EMILIN2: variants seen among roughly 807,000 people sequenced by gnomAD.
EMILIN2 encodes elastin microfibril interfacer 2, also known as EMILIN-2.
EMILIN2 carries 71 observed loss-of-function variants against 87.1 expected under a neutral mutation model. The observed-to-expected ratio is 0.82, with a 90% CI of 0.67 to 0.99. EMILIN2 has a LOEUF of 0.99. EMILIN2 is among the 50% of genes least tolerant of loss of function. The pLI is 0.00. For synonymous variants in EMILIN2, 581 were observed against 563.4 expected, an observed-to-expected ratio of 1.03 and a Z score of -0.44; for missense variants, 1,407 against 1,371.8, an observed-to-expected ratio of 1.03 and a Z score of -0.40.
intron 2 of EMILIN2, among the ~76,000 whole-genome samples, chr18:2,850,093 A>AT (rs71366611): frequency 0.31 from 37,464 of 122,466 alleles, 5,911 homozygotes; most frequent in African/African-American, 0.37. Flanking sequence ...TGCCCAGCTA[A>AT]TTTTTTTTTT....
chr18:2,899,328 C>T (rs779358846), intron 4 of EMILIN2, among the ~76,000 whole-genome samples: 5 of 152,252 alleles, frequency 3.3e-5, no homozygotes, highest in East Asian at 3.9e-4. Flanking sequence ...TGACACTGCG[C>T]CACCAATAGA....
At chr18:2,899,386 T>C (rs1296095075) in intron 4 of EMILIN2, among the ~76,000 whole-genome samples, 3 of 152,224 alleles carry the variant, frequency 2.0e-5, no homozygotes, top group Admixed American at 1.3e-4. Flanking sequence ...TGTTCCAGTT[T>C]TTGAGGTCTC....
intron 2 of EMILIN2, among the ~76,000 whole-genome samples, chr18:2,884,541 C>T (rs779427653): frequency 6.6e-6 from 1 of 152,360 alleles, no homozygotes; most frequent in South Asian, 2.1e-4. Context: ...CCACTGTGCC[C>T]GGCCAGGAAT....
At chr18:2,882,740 A>C (rs985061216) in intron 2 of EMILIN2, among the ~76,000 whole-genome samples, 5 of 152,186 alleles carry the variant, frequency 3.3e-5, no homozygotes, top group Admixed American at 6.5e-5. Flanking sequence ...AAAAATAACC[A>C]GGCATGGTGG....
chr18:2,912,358 C>T (rs970560119), intron 7 of EMILIN2, among the ~76,000 whole-genome samples: 2 of 152,190 alleles, frequency 1.3e-5, no homozygotes, highest in Admixed American at 6.5e-5. Context: ...CCCTTTTTAG[C>T]TCCTGGGCCC....
chr18:2,873,298 T>C (rs1473742742), intron 2 of EMILIN2, among the ~76,000 whole-genome samples: 2 of 152,024 alleles, frequency 1.3e-5, no homozygotes, highest in Non-Finnish European at 2.9e-5. Flanking sequence ...TAATCCCGGC[T>C]ACTCAGGAGG....
chr18:2,898,230 C>T (rs1258132488), intron 4 of EMILIN2, among the ~76,000 whole-genome samples: 1 of 152,216 alleles, frequency 6.6e-6, no homozygotes, highest in Non-Finnish European at 1.5e-5. Flanking sequence ...GGGGGTGTGT[C>T]CTGGCCACAG....
In EMILIN2 at chr18:2,908,983, T is replaced by G. The variant is rs774034532; in HGVS notation, c.2695+8T>G. The G allele has an allele frequency of 4.3e-5, 69 of 1,613,176 alleles. 1 individual carries two copies. Among genetic ancestry groups the G allele is most frequent in the Non-Finnish European group, 5.8e-5 (68 of 1,180,020 alleles). The stretch of plus-strand genomic sequence containing the variant: ...CTCCTGTAGCTTCCCCAGGTATGTC[T>G]GCTGAGAGACCAGGAGCAGGAGGAG... On this transcript the variant is annotated splice_region_variant and intron_variant, in intron 6 of 7. Coordinates refer to ENST00000254528, the MANE Select transcript of EMILIN2 (RefSeq NM_032048.3).
Position 2,858,565 on chromosome 18 carries a change from ATATATG to A in EMILIN2, c.257+10636_257+10641del, listed in dbSNP as rs1192281266. ...TATATATATATATATATATATATAT[ATATATG>A]TGTGTGTGTGTGTATATATATATAT... On this transcript the variant is annotated intron_variant, in intron 2 of 7. Coordinates refer to ENST00000254528, the MANE Select transcript of EMILIN2 (RefSeq NM_032048.3). Among the ~76,000 whole-genome samples, 331 of 67,726 alleles carry A rather than the reference ATATATG, an allele frequency of 4.9e-3. 17 individuals carry two copies. Among genetic ancestry groups the A allele is most frequent in the Middle Eastern group, 0.034 (5 of 146 alleles). 44.4% of individuals were successfully genotyped at this position (67,726 alleles called of 152,430 possible).
Position 2,891,333 on chromosome 18 carries a change from T to C in EMILIN2, c.1206T>C (p.Asn402=). The C allele has an allele frequency of 6.2e-7, 1 of 1,614,188 alleles. No homozygotes were observed. The highest frequency in any genetic ancestry group is 1.3e-5 in the African/African-American group (1 of 75,046). ...CAAATTGCTGCGACAGTGAAAAGAA[T>C]GGTGACATTGGTCAACAGATCAAGA... ...AQANCCDSEK[N]GDIGQQIKTL... is the part of the protein sequence containing the mutation. Residue 402 remains asparagine, a synonymous_variant, in exon 4 of 8, where the codon AAT becomes AAC. Coordinates refer to ENST00000254528, the MANE Select transcript of EMILIN2 (RefSeq NM_032048.3). The surrounding 1 kb of genome is among the most constrained non-coding windows in gnomAD (Gnocchi z 4.6).
chr18:2,876,687 A>G (rs188141464), intron 2 of EMILIN2, among the ~76,000 whole-genome samples: 88,065 of 148,366 alleles, frequency 0.59, 26,508 homozygotes, highest in East Asian at 0.92. Context: ...AATGGCGTGA[A>G]CCCGGGAGGC....
chr18:2,850,355 C>T (rs1308274770), intron 2 of EMILIN2, among the ~76,000 whole-genome samples: 1 of 151,770 alleles, frequency 6.6e-6, no homozygotes, highest in Non-Finnish European at 1.5e-5. Context: ...CTGAGGAATC[C>T]AGAAGCCTGA....
Position 2,906,842 on chromosome 18 carries a change from G to A in EMILIN2, c.2419G>A (p.Ala807Thr), listed in dbSNP as rs979099192. Residue 807 changes from alanine (A) to threonine (T), a missense_variant, in exon 5 of 8, where the codon GCC (alanine) becomes ACC (threonine). Transcript: ENST00000254528. ...APKEPLQPEP[A>T]PPRPSGPATA... is the part of the protein sequence containing the mutation. ...GAAGGAGCCGCTGCAGCCCGAGCCC[G>A]CCCCGCCGAGGCCCAGCGGCCCCGC... 1.5e-6 allele frequency: 2 copies of A among 1,342,552 alleles called. No homozygotes were observed. The highest frequency in any genetic ancestry group is 1.9e-6 in the Non-Finnish European group (2 of 1,048,688). 83.2% of individuals were successfully genotyped at this position (1,342,552 alleles called of 1,614,324 possible). A position where few individuals can be genotyped will look rare whatever the true frequency, so the allele number is the denominator to read the frequency against.
chr18:2,852,530 C>G (rs1195252028), intron 2 of EMILIN2, among the ~76,000 whole-genome samples: 1 of 152,090 alleles, frequency 6.6e-6, no homozygotes, highest in African/African-American at 2.4e-5. Flanking sequence ...TTCGTTTTTT[C>G]TTTTTTGAGA....
chr18:2,892,156 T>C lies in EMILIN2; in HGVS notation c.2029T>C (p.Leu677=). The C allele has an allele frequency of 2.5e-6, 4 of 1,607,546 alleles. No homozygotes were observed. Among genetic ancestry groups the C allele is most frequent in the Non-Finnish European group, 2.6e-6 (3 of 1,175,760 alleles). The change falls in exon 4 of 8, where the codon TTG becomes CTG. Residue 677 remains leucine (L), a synonymous_variant. Coordinates refer to ENST00000254528, the MANE Select transcript of EMILIN2 (RefSeq NM_032048.3). ...CSQLEERWQR[L]QSQVISELDA... ...TCAGCTGGAGGAGAGGTGGCAGAGGTTGCAGAGCCAGGTCATCTCGGAGCT... is the reference window on the plus strand; with the variant it reads ...TCAGCTGGAGGAGAGGTGGCAGAGGCTGCAGAGCCAGGTCATCTCGGAGCT...
intron 2 of EMILIN2, among the ~76,000 whole-genome samples, chr18:2,881,844 A>G (rs1378106517): frequency 6.6e-6 from 1 of 152,216 alleles, no homozygotes; most frequent in Non-Finnish European, 1.5e-5. Flanking sequence ...TACATTTTCA[A>G]GGACCACACA....
chr18:2,868,631 C>A (rs1162174358), intron 2 of EMILIN2, among the ~76,000 whole-genome samples: 1 of 152,174 alleles, frequency 6.6e-6, no homozygotes, highest in Non-Finnish European at 1.5e-5. Context: ...CCGTCTCCAC[C>A]AAAAAAATAC....
At position 2,915,745 on chromosome 18, in the gene EMILIN2, ACT is replaced by A. The variant is rs2076965598; in HGVS notation, c.*2343_*2344del. The A allele has an allele frequency of 6.6e-6, 1 of 152,170 alleles. No homozygotes were observed. Among genetic ancestry groups the A allele is most frequent in the Non-Finnish European group, 1.5e-5 (1 of 68,120 alleles). 9.4% of individuals were successfully genotyped at this position (152,170 alleles called of 1,614,324 possible). On this transcript the variant is annotated 3_prime_UTR_variant, in exon 8 of 8. Coordinates refer to ENST00000254528, the MANE Select transcript of EMILIN2 (RefSeq NM_032048.3). ...ACCGTGTTGCCCAGGCTGGTCGCGA[ACT>A]CCTGAGCTCAGCCAATCCGCCCACC...
At chr18:2,872,617 G>A (rs73939062) in intron 2 of EMILIN2, among the ~76,000 whole-genome samples, 27,320 of 152,216 alleles carry the variant, frequency 0.18, 4,056 homozygotes, top group African/African-American at 0.41. Context: ...AAGTAATGAT[G>A]TAAATTGTAA....
Sources: gnomAD v4.1 joint callset for allele counts (sites outside exome capture counted in the v4.1 genomes callset) on GRCh38, gnomAD v4.1.1 for gene constraint, Gnocchi (gnomAD v3.1) non-coding constraint, MANE v1.5 for transcripts, NCBI Gene and HGNC (gene_info 2026-07-23, HGNC 2026-07-21) for gene names.